The following KIAA1217 variants were observed in gnomAD, a reference collection of about 807,000 sequenced individuals.
KIAA1217 encodes sickle tail protein homolog.
In KIAA1217, 88 loss-of-function variants were observed where a neutral mutation model predicts 163.9. The observed-to-expected ratio is 0.54, with a 90% CI of 0.45 to 0.64. KIAA1217 has a LOEUF of 0.64. Among genes scored for constraint, KIAA1217 ranks in the 30% least tolerant of loss-of-function variants. The probability of loss-of-function intolerance (pLI) is 0.00; values close to 1 mark genes in which losing one functional copy is unlikely to be tolerated. For synonymous variants in KIAA1217, 903 were observed against 923.1 expected (o/e 0.98, Z 0.39); for missense variants, 2,372 against 2,475.0 (o/e 0.96, Z 0.88).
intron 2 of KIAA1217, among the ~76,000 whole-genome samples, chr10:24,110,165 C>T (rs1256478345): frequency 2.6e-5 from 4 of 152,214 alleles, no homozygotes; most frequent in Admixed American, 1.3e-4. Context: ...TCCTAATTCA[C>T]TTTCCATGTT....
At chr10:24,484,870 G>C (rs1235894054) in intron 6 of KIAA1217, among the ~76,000 whole-genome samples, 2 of 152,188 alleles carry the variant, frequency 1.3e-5, no homozygotes, top group Non-Finnish European at 2.9e-5. Context: ...GAGGGGGGTT[G>C]TGTCCTTATT....
chr10:24,222,216 T>C (rs2069751242), intron 2 of KIAA1217, among the ~76,000 whole-genome samples: 1 of 152,226 alleles, frequency 6.6e-6, no homozygotes, highest in Non-Finnish European at 1.5e-5. Context: ...TCTGATCTGC[T>C]GTTACATACA....
At chr10:23,804,618 T>G (rs951126302) in intron 1 of KIAA1217, among the ~76,000 whole-genome samples, 2 of 152,222 alleles carry the variant, frequency 1.3e-5, no homozygotes, top group Non-Finnish European at 2.9e-5. Flanking sequence ...TTGTCTGAAT[T>G]ACTTTTTCAG....
intron 2 of KIAA1217, chr10:24,239,184 G>C: frequency 4.1e-6 from 4 of 985,248 alleles, no homozygotes; most frequent in Non-Finnish European, 4.8e-6. Flanking sequence ...AGTTTCACTG[G>C]GAAAAACTGC....
At chr10:24,272,569 C>T (rs2076877102) in intron 2 of KIAA1217, among the ~76,000 whole-genome samples, 1 of 152,186 alleles carries the variant, frequency 6.6e-6, no homozygotes, top group Admixed American at 6.5e-5. Flanking sequence ...ATTGTCAAAG[C>T]CACATTCTAC....
chr10:23,967,807 T>G (rs1473731027), intron 1 of KIAA1217, among the ~76,000 whole-genome samples: 3 of 152,144 alleles, frequency 2.0e-5, no homozygotes, highest in Non-Finnish European at 2.9e-5. Context: ...ACATTTTATT[T>G]GGTAATATAT....
At chr10:23,817,279 A>G (rs1837351252) in intron 1 of KIAA1217, among the ~76,000 whole-genome samples, 1 of 152,226 alleles carries the variant, frequency 6.6e-6, no homozygotes, top group African/African-American at 2.4e-5. Context: ...GATGATATAT[A>G]CAAATGACTT....
chr10:24,431,838 C>G (rs1298830680), intron 3 of KIAA1217, among the ~76,000 whole-genome samples: 3 of 152,158 alleles, frequency 2.0e-5, no homozygotes, highest in Non-Finnish European at 4.4e-5. Context: ...CCACATACCC[C>G]CTGGGAACTC....
At chr10:24,340,622 T>C (rs2133816060) in intron 2 of KIAA1217, among the ~76,000 whole-genome samples, 1 of 152,130 alleles carries the variant, frequency 6.6e-6, no homozygotes. Flanking sequence ...ATCTCTTCCC[T>C]CCCTCCTCTG....
chr10:24,527,808 C>CCAGT, intron 13 of KIAA1217, 128 bp from the exon 14 acceptor site: 1 of 664,026 alleles, frequency 1.5e-6, no homozygotes, highest in East Asian at 2.7e-5. Context: ...GGTCTTAAGC[C>CCAGT]CAGTACCCAT....
At chr10:24,171,247 G>A (rs1288276369) in intron 2 of KIAA1217, among the ~76,000 whole-genome samples, 1 of 152,200 alleles carries the variant, frequency 6.6e-6, no homozygotes, top group Admixed American at 6.5e-5. Flanking sequence ...AGCTTACAAC[G>A]AATTTATAAC....
At chr10:24,107,339 G>T (rs1404657931) in intron 2 of KIAA1217, among the ~76,000 whole-genome samples, 1 of 152,146 alleles carries the variant, frequency 6.6e-6, no homozygotes, top group Non-Finnish European at 1.5e-5. Context: ...GTGCTGTGAT[G>T]AACATAGGTG....
chr10:23,778,191 C>T (rs991436975), intron 1 of KIAA1217, among the ~76,000 whole-genome samples: 9 of 152,128 alleles, frequency 5.9e-5, no homozygotes, highest in African/African-American at 1.7e-4. Context: ...CCCCCCCCTT[C>T]GGCCTCCCAA....
At chr10:24,199,807 C>T (rs2067164121) in intron 2 of KIAA1217, among the ~76,000 whole-genome samples, 1 of 152,060 alleles carries the variant, frequency 6.6e-6, no homozygotes, top group South Asian at 2.1e-4. Flanking sequence ...ATGACTGGCT[C>T]AGGTGACAAG....
chr10:24,121,469 T>C (rs1268412534), intron 2 of KIAA1217, among the ~76,000 whole-genome samples: 1 of 152,226 alleles, frequency 6.6e-6, no homozygotes, highest in Non-Finnish European at 1.5e-5. Context: ...AAATGTGTTT[T>C]AGTTGTTTGT....
chr10:24,501,347 C>A, intron 8 of KIAA1217, 32 bp from the exon 9 acceptor site: 1 of 1,587,410 alleles, frequency 6.3e-7, no homozygotes, highest in Non-Finnish European at 8.6e-7. Flanking sequence ...CCTTTGTGGC[C>A]TTCTGAGTTC....
At chr10:23,939,827 A>G (rs2131332010) in intron 1 of KIAA1217, among the ~76,000 whole-genome samples, 1 of 151,502 alleles carries the variant, frequency 6.6e-6, no homozygotes, top group Non-Finnish European at 1.5e-5. Context: ...GTAAGTGCAT[A>G]CAGAACTGGA....
chr10:23,763,469 A>G (rs1333841939), intron 1 of KIAA1217, among the ~76,000 whole-genome samples: 1 of 152,138 alleles, frequency 6.6e-6, no homozygotes, highest in Non-Finnish European at 1.5e-5. Context: ...CACATTTACA[A>G]CCATCTGATC....
At chr10:24,408,109 T>C (rs548925640) in intron 3 of KIAA1217, among the ~76,000 whole-genome samples, 1 of 152,284 alleles carries the variant, frequency 6.6e-6, no homozygotes, top group East Asian at 1.9e-4. Context: ...GTGATGCTGG[T>C]CAAATCATCC....
Sources: allele counts gnomAD v4.1 joint callset (sites outside exome capture counted in the v4.1 genomes callset), GRCh38; gene constraint gnomAD v4.1.1; transcripts MANE v1.5; gene names NCBI Gene and HGNC (gene_info 2026-07-23, HGNC 2026-07-21).